PCDHA3: variants seen among roughly 807,000 people sequenced by gnomAD.
The protein encoded by PCDHA3 is protocadherin alpha-3.
In PCDHA3, 41 loss-of-function variants were observed where a neutral mutation model predicts 62.2. The observed-to-expected ratio is 0.66, with a 90% CI of 0.51 to 0.86. The LOEUF (loss-of-function observed/expected upper bound fraction) is 0.86, where lower values mean the gene tolerates loss of function less well. PCDHA3 is among the 40% of genes least tolerant of loss of function. PCDHA3 has a pLI of 0.00. For synonymous variants in PCDHA3, 640 were observed against 555.4 expected (o/e 1.15, Z -2.14); for missense variants, 1,304 against 1,241.2 (o/e 1.05, Z -0.76).
rs781792274 is a variant in PCDHA3 at position 140,927,895 on chromosome 5, G to C, written c.2395-51054G>C. ...GCTGGTGGAGGTGACTGACGTGAAC[G>C]ATCATGCCCCCGAACTGGACTTCCT... On this transcript the variant is annotated intron_variant, in intron 1 of 3. Coordinates refer to ENST00000522353, the MANE Select transcript of PCDHA3 (RefSeq NM_018906.3). The C allele has an allele frequency of 3.7e-6, 6 of 1,614,074 alleles. No homozygotes were observed. The South Asian group carries it at 6.6e-5, about 18-fold the overall frequency.
At chr5:140,931,260 T>C (rs576177407) in intron 1 of PCDHA3, among the ~76,000 whole-genome samples, 104 of 152,274 alleles carry the variant, frequency 6.8e-4, no homozygotes, top group East Asian at 3.1e-3. Flanking sequence ...GAAATTTCAC[T>C]ATTTATTTCT....
At chr5:140,907,406 A>G (rs2073359357) in intron 1 of PCDHA3, among the ~76,000 whole-genome samples, 1 of 152,216 alleles carries the variant, frequency 6.6e-6, no homozygotes, top group African/African-American at 2.4e-5. Context: ...TGTGTGGAAT[A>G]CCACGATGGT....
At chr5:140,848,904 CAAA>C in intron 1 of PCDHA3, 1 of 1,608,060 alleles carries the variant, frequency 6.2e-7, no homozygotes, top group Non-Finnish European at 8.5e-7. Context: ...CCCAGCGACA[CAAA>C]AGAATCTGTT....
intron 1 of PCDHA3, chr5:140,868,497 T>C (rs1458506620): frequency 1.3e-5 from 2 of 152,376 alleles, no homozygotes; most frequent in Admixed American, 6.5e-5. Flanking sequence ...TTGAGTTCCC[T>C]AGCAGCCAAA....
intron 1 of PCDHA3, among the ~76,000 whole-genome samples, chr5:140,913,794 T>A: frequency 6.6e-6 from 1 of 152,194 alleles, no homozygotes. Context: ...ATCATTTGTT[T>A]GAATCAAATT....
At position 140,843,162 on chromosome 5, in the gene PCDHA3, C is replaced by G; in HGVS notation, c.2394+39571C>G. 1.9e-6 allele frequency: 3 copies of G among 1,596,122 alleles called. 1 individual carries two copies. The highest frequency in any genetic ancestry group is 2.6e-6 in the Non-Finnish European group (3 of 1,165,610). ...TGGCTTTCGTATGAGCTGCAGCCAG[C>G]TGCAAGCAGCCCTCGCATCCCGTTC... On this transcript the variant is annotated intron_variant, in intron 1 of 3. Coordinates refer to ENST00000522353, the MANE Select transcript of PCDHA3 (RefSeq NM_018906.3).
At chr5:141,008,108 T>C (rs2098361480) in intron 3 of PCDHA3, among the ~76,000 whole-genome samples, 1 of 152,138 alleles carries the variant, frequency 6.6e-6, no homozygotes, top group Non-Finnish European at 1.5e-5. Flanking sequence ...CTCATGAGAA[T>C]AAGTGTTTCA....
At chr5:140,960,680 G>A (rs192174088) in intron 1 of PCDHA3, among the ~76,000 whole-genome samples, 2 of 152,162 alleles carry the variant, frequency 1.3e-5, no homozygotes, top group African/African-American at 4.8e-5. Context: ...AAACCTACTT[G>A]GGAATGAGGG....
intron 1 of PCDHA3, chr5:140,836,321 C>T (rs781844463): frequency 6.2e-7 from 1 of 1,613,768 alleles, no homozygotes; most frequent in Non-Finnish European, 8.5e-7. Context: ...CGCGCCACCG[C>T]CTTCTGGTGC....
chr5:140,861,667 T>G (rs1459883845), intron 1 of PCDHA3: 1 of 254,356 alleles, frequency 3.9e-6, no homozygotes, highest in Admixed American at 4.6e-5. Context: ...CGAGAGCTCT[T>G]GATTATCGTG....
intron 1 of PCDHA3, among the ~76,000 whole-genome samples, chr5:140,951,543 C>G (rs246041): frequency 0.56 from 85,284 of 151,440 alleles, 24,613 homozygotes; most frequent in African/African-American, 0.69. Flanking sequence ...GAGCAAGGGA[C>G]GGGGGGAAGT....
At chr5:140,846,796 C>G (rs1200474608) in intron 1 of PCDHA3, among the ~76,000 whole-genome samples, 1 of 149,304 alleles carries the variant, frequency 6.7e-6, no homozygotes, top group African/African-American at 2.5e-5. Context: ...GAGCCCCAGC[C>G]CCTGGCTTTA....
At chr5:140,828,682 G>T (rs1562298994) in intron 1 of PCDHA3, 1 of 1,614,236 alleles carries the variant, frequency 6.2e-7, no homozygotes, top group Non-Finnish European at 8.5e-7. Context: ...TCTTATTAAA[G>T]AAATCCTTGG....
intron 1 of PCDHA3, among the ~76,000 whole-genome samples, chr5:140,921,194 A>T (rs187774850): frequency 1.3e-5 from 2 of 152,046 alleles, no homozygotes; most frequent in Admixed American, 1.3e-4. Context: ...TTCACAATAG[A>T]TTGACAACGA....
At chr5:140,917,690 G>C (rs2078307385) in intron 1 of PCDHA3, among the ~76,000 whole-genome samples, 1 of 152,108 alleles carries the variant, frequency 6.6e-6, no homozygotes, top group African/African-American at 2.4e-5. Context: ...TTTTGTTGAA[G>C]ATCAGATAAT....
chr5:141,004,144 A>C (rs1451902723), intron 3 of PCDHA3, among the ~76,000 whole-genome samples: 3 of 152,250 alleles, frequency 2.0e-5, no homozygotes, highest in Non-Finnish European at 2.9e-5. Context: ...CCCCAAAGGC[A>C]TGACATTTTA....
chr5:140,887,526 C>G (rs914597781), intron 1 of PCDHA3, among the ~76,000 whole-genome samples: 10 of 152,086 alleles, frequency 6.6e-5, no homozygotes, highest in Admixed American at 1.3e-4. Flanking sequence ...ATATATGAGT[C>G]TTCCTCTCCC....
At chr5:140,874,117 T>C (rs1349618614) in intron 1 of PCDHA3, among the ~76,000 whole-genome samples, 2 of 152,248 alleles carry the variant, frequency 1.3e-5, no homozygotes, top group Admixed American at 1.3e-4. Context: ...TAACGTTTTA[T>C]AGTTTATTTA....
chr5:140,836,011 C>A (rs2150250556), intron 1 of PCDHA3: 3 of 1,613,394 alleles, frequency 1.9e-6, no homozygotes, highest in Non-Finnish European at 8.5e-7. Flanking sequence ...GCGGGCGTGC[C>A]GCCTCTGGGC....
Sources: gnomAD v4.1 joint callset for allele counts (sites outside exome capture counted in the v4.1 genomes callset) on GRCh38, gnomAD v4.1.1 for gene constraint, MANE v1.5 for transcripts, NCBI Gene and HGNC (gene_info 2026-07-23, HGNC 2026-07-21) for gene names.